CYP2C19: variants seen among roughly 807,000 people sequenced by gnomAD.
The protein encoded by CYP2C19 is cytochrome P450 2C19.
CYP2C19 carries 59 observed loss-of-function variants against 40.9 expected under a neutral mutation model. The ratio of observed to expected loss-of-function variants is 1.44; its 90% confidence interval spans 1.17 to 1.79. The LOEUF (loss-of-function observed/expected upper bound fraction) is 1.79, where lower values mean the gene tolerates loss of function less well. CYP2C19 is among the 40% of genes most tolerant of loss of function. The probability of loss-of-function intolerance (pLI) is 0.00; values close to 1 mark genes in which losing one functional copy is unlikely to be tolerated. For synonymous variants in CYP2C19, 253 were observed against 208.7 expected, an observed-to-expected ratio of 1.21 and a Z score of -1.83; for missense variants, 754 against 596.9, an observed-to-expected ratio of 1.26 and a Z score of -2.74.
intron 3 of CYP2C19, 119 bp downstream of exon 3, chr10:94,775,658 T>G: frequency 6.4e-7 from 1 of 1,563,120 alleles, no homozygotes; most frequent in South Asian, 1.1e-5. Flanking sequence ...TGTTAGCTCA[T>G]GTGAAGCAGG....
At chr10:94,785,141 A>G (rs1848525154) in intron 5 of CYP2C19, among the ~76,000 whole-genome samples, 1 of 152,000 alleles carries the variant, frequency 6.6e-6, no homozygotes, top group South Asian at 2.1e-4. Flanking sequence ...TCCTAATTAT[A>G]TTTTTGATGC....
intron 6 of CYP2C19, among the ~76,000 whole-genome samples, chr10:94,829,086 T>A (rs1469736529): frequency 2.0e-5 from 3 of 152,208 alleles, no homozygotes; most frequent in Non-Finnish European, 4.4e-5. Flanking sequence ...TCTCTCTGGC[T>A]GCCCTTAACA....
At chr10:94,847,046 G>C (rs965770241) in intron 7 of CYP2C19, among the ~76,000 whole-genome samples, 4 of 151,098 alleles carry the variant, frequency 2.6e-5, no homozygotes, top group African/African-American at 4.9e-5. Flanking sequence ...CATGTCAACA[G>C]AGACTTCAAC....
intron 1 of CYP2C19, among the ~76,000 whole-genome samples, chr10:94,770,066 T>C (rs1848305906): frequency 6.6e-6 from 1 of 152,156 alleles, no homozygotes; most frequent in Non-Finnish European, 1.5e-5. Context: ...AGGACCGTCA[T>C]CCAGGACAGG....
chr10:94,776,428 A>T (rs1348722395), intron 3 of CYP2C19: 1 of 152,118 alleles, frequency 6.6e-6, no homozygotes, highest in South Asian at 2.1e-4. Context: ...ACAATGAATC[A>T]GTTTATCAGC....
chr10:94,781,285 A>T (rs1848475747), intron 4 of CYP2C19, among the ~76,000 whole-genome samples: 2 of 152,250 alleles, frequency 1.3e-5, no homozygotes, highest in African/African-American at 4.8e-5. Flanking sequence ...CTGCCTAAAT[A>T]ATAATTGTAT....
intron 7 of CYP2C19, among the ~76,000 whole-genome samples, chr10:94,848,956 A>T (rs1004408308): frequency 1.3e-5 from 2 of 152,138 alleles, no homozygotes; most frequent in South Asian, 4.1e-4. Context: ...GAAGTTGTTT[A>T]TCAGCTTAAG....
chr10:94,812,792 G>T (rs1329829370), intron 5 of CYP2C19, among the ~76,000 whole-genome samples: 2 of 151,566 alleles, frequency 1.3e-5, no homozygotes, highest in African/African-American at 4.9e-5. Context: ...TAGCTTCTTT[G>T]CAATGGGTTA....
chr10:94,841,039 C>A (rs1241909167), intron 6 of CYP2C19, among the ~76,000 whole-genome samples: 3 of 151,950 alleles, frequency 2.0e-5, no homozygotes, highest in African/African-American at 7.3e-5. Flanking sequence ...ACAGAGCTCC[C>A]AAGATGGTGG....
chr10:94,778,367 C>A (rs187630050), intron 3 of CYP2C19, among the ~76,000 whole-genome samples: 7 of 152,122 alleles, frequency 4.6e-5, no homozygotes, highest in Non-Finnish European at 1.0e-4. Flanking sequence ...CAGAGCCTTC[C>A]GACCTTTCAG....
intron 6 of CYP2C19, among the ~76,000 whole-genome samples, chr10:94,835,457 T>C (rs7086525): frequency 0.016 from 2,460 of 152,308 alleles, 86 homozygotes; most frequent in African/African-American, 0.057. Flanking sequence ...CTGCTGAGTA[T>C]TGGGGCTTGG....
At chr10:94,828,011 G>A (rs1447346411) in intron 6 of CYP2C19, among the ~76,000 whole-genome samples, 4 of 151,914 alleles carry the variant, frequency 2.6e-5, no homozygotes, top group African/African-American at 4.8e-5. Context: ...TAGTTTGATT[G>A]CACTGTGGTC....
intron 3 of CYP2C19, among the ~76,000 whole-genome samples, chr10:94,777,341 C>G (rs768939042): frequency 3.3e-5 from 5 of 152,002 alleles, no homozygotes; most frequent in Non-Finnish European, 7.4e-5. Flanking sequence ...CTTGTAAAGC[C>G]AAGACAATCC....
chr10:94,831,520 C>T (rs901719278), intron 6 of CYP2C19, among the ~76,000 whole-genome samples: 2 of 152,190 alleles, frequency 1.3e-5, no homozygotes, highest in Non-Finnish European at 2.9e-5. Context: ...TTCCCACCAA[C>T]GTTGTACAAG....
chr10:94,799,670 T>C (rs182502301), intron 5 of CYP2C19, among the ~76,000 whole-genome samples: 38 of 152,340 alleles, frequency 2.5e-4, no homozygotes, highest in Admixed American at 2.2e-3. Context: ...CATAGTCCAA[T>C]ATTTCTTGGA....
chr10:94,767,259 T>C (rs1848258387), intron 1 of CYP2C19, among the ~76,000 whole-genome samples: 1 of 152,166 alleles, frequency 6.6e-6, no homozygotes, highest in Non-Finnish European at 1.5e-5. Flanking sequence ...TGACCTTCCC[T>C]GAGGATTGTG....
chr10:94,793,818 TGAG>T, intron 5 of CYP2C19, among the ~76,000 whole-genome samples: 1 of 152,266 alleles, frequency 6.6e-6, no homozygotes, highest in East Asian at 1.9e-4. Context: ...GGTACCCACT[TGAG>T]GAGGCAGTCT....
At chr10:94,796,674 G>A (rs1256716472) in intron 5 of CYP2C19, among the ~76,000 whole-genome samples, 1 of 152,110 alleles carries the variant, frequency 6.6e-6, no homozygotes, top group East Asian at 1.9e-4. Flanking sequence ...ATTTCATTGA[G>A]CAGTGGTTTG....
intron 5 of CYP2C19, among the ~76,000 whole-genome samples, chr10:94,791,717 C>T (rs959795805): frequency 7.9e-5 from 12 of 152,126 alleles, no homozygotes; most frequent in South Asian, 2.1e-4. Context: ...TTGATTGCAC[C>T]GTGGTCTGAG....
Sources: gnomAD v4.1 joint callset for allele counts (sites outside exome capture counted in the v4.1 genomes callset) on GRCh38, gnomAD v4.1.1 for gene constraint, MANE v1.5 for transcripts, NCBI Gene and HGNC (gene_info 2026-07-23, HGNC 2026-07-21) for gene names.